The following PXDNL variants were observed in gnomAD, a reference collection of about 807,000 sequenced individuals.
PXDNL encodes the protein peroxidasin like.
Under a neutral mutation model 150.8 loss-of-function variants are expected in PXDNL, and 145 were observed. That is an observed-to-expected ratio of 0.96 (90% CI 0.84 to 1.10). The LOEUF is 1.10. PXDNL is among the 50% of genes least tolerant of loss of function. PXDNL has a pLI of 0.00. For synonymous variants in PXDNL, 757 were observed against 725.7 expected (o/e 1.04, Z -0.69); for missense variants, 2,087 against 1,873.9 (o/e 1.11, Z -2.10).
At chr8:51,326,872 T>A (rs908471884) in intron 21 of PXDNL, among the ~76,000 whole-genome samples, 1 of 152,122 alleles carries the variant, frequency 6.6e-6, no homozygotes, top group African/African-American at 2.4e-5. Flanking sequence ...AATAGGAGTA[T>A]TGCAGATGTA....
At chr8:51,381,309 G>A (rs893090028) in intron 17 of PXDNL, among the ~76,000 whole-genome samples, 1 of 152,122 alleles carries the variant, frequency 6.6e-6, no homozygotes, top group African/African-American at 2.4e-5. Context: ...AGAGTCTTTT[G>A]CCAAAGCATT....
chr8:51,737,743 A>G (rs1040892834), intron 1 of PXDNL, among the ~76,000 whole-genome samples: 1 of 101,198 alleles, frequency 9.9e-6, no homozygotes, highest in Non-Finnish European at 2.0e-5. Flanking sequence ...CTTTCTGCAA[A>G]GTTCACTGTC....
intron 5 of PXDNL, among the ~76,000 whole-genome samples, chr8:51,496,680 A>G (rs1005531277): frequency 1.3e-5 from 2 of 152,210 alleles, no homozygotes; most frequent in African/African-American, 4.8e-5. Flanking sequence ...GTGAAATCCC[A>G]TTCACAATTG....
At chr8:51,644,355 C>CATGTATATATAT (rs1814861027) in intron 2 of PXDNL, among the ~76,000 whole-genome samples, 1 of 50,554 alleles carries the variant, frequency 2.0e-5, no homozygotes, top group Admixed American at 2.6e-4. Flanking sequence ...CACACACACA[C>CATGTATATATAT]ACACACACAT....
At chr8:51,585,862 C>A (rs757865193) in intron 3 of PXDNL, among the ~76,000 whole-genome samples, 1 of 151,606 alleles carries the variant, frequency 6.6e-6, no homozygotes, top group Non-Finnish European at 1.5e-5. Context: ...TGCCACCCAC[C>A]CCTTGTGGCT....
Position 51,449,010 on chromosome 8 carries a change from GT to G in PXDNL, c.1357del (p.Thr453GlnfsTer21), listed in dbSNP as rs1452013737. 11 of 1,530,960 alleles carry G rather than the reference GT, an allele frequency of 7.2e-6. No individual in the cohort carries two copies. The highest frequency in any genetic ancestry group is 9.7e-6 in the Non-Finnish European group (11 of 1,128,288). 94.8% of individuals were successfully genotyped at this position (1,530,960 alleles called of 1,614,324 possible). A position where few individuals can be genotyped will look rare whatever the true frequency, so the allele number is the denominator to read the frequency against. On this transcript the variant is annotated frameshift_variant, in exon 11 of 23. Transcript: ENST00000356297. LOFTEE classifies it high-confidence loss of function. ...DGNPPPVIVWTKTGGQLPVEG... is the reference protein window; with the variant it reads ...DGNPPPVIVWXKTGGQLPVEG... The stretch of plus-strand genomic sequence containing the variant: ...TGCAGATGTTCTAATACCTGTTTTT[GT>G]CCAGACAATAACAGGAGGTGGGTTG...
intron 4 of PXDNL, among the ~76,000 whole-genome samples, chr8:51,553,522 A>T (rs1185774253): frequency 6.6e-6 from 1 of 152,072 alleles, no homozygotes; most frequent in African/African-American, 2.4e-5. Flanking sequence ...CTTTTTAAAG[A>T]TGTTCTTCAT....
chr8:51,787,805 T>C (rs1041976848), intron 1 of PXDNL, among the ~76,000 whole-genome samples: 3 of 152,226 alleles, frequency 2.0e-5, no homozygotes, highest in Non-Finnish European at 4.4e-5. Flanking sequence ...TAAAATGCTA[T>C]CAGACAGCCT....
chr8:51,440,295 G>C (rs1477065984), intron 12 of PXDNL, among the ~76,000 whole-genome samples: 1 of 152,064 alleles, frequency 6.6e-6, no homozygotes, highest in South Asian at 2.1e-4. Flanking sequence ...TGGGAGGGTG[G>C]TGAGGGATGA....
chr8:51,391,952 C>T (rs1807923815), intron 17 of PXDNL, among the ~76,000 whole-genome samples: 1 of 152,238 alleles, frequency 6.6e-6, no homozygotes, highest in South Asian at 2.1e-4. Flanking sequence ...CAGCTTTCTA[C>T]ATATGACTAG....
rs904420503 is a variant in PXDNL at position 51,524,141 on chromosome 8, G to T, written c.381-24371C>A. Reference sequence around the variant, plus strand: ...ATGGCACCCAAGGGATTATGATGGAGTCATACCTGATATATGACCTAGTTT... The same window carrying T: ...ATGGCACCCAAGGGATTATGATGGATTCATACCTGATATATGACCTAGTTT... On this transcript the variant is annotated intron_variant, in intron 4 of 22. Transcript: ENST00000356297. Among the ~76,000 whole-genome samples the T allele has an allele frequency of 1.1e-3, 5 of 4,434 alleles. No homozygotes were observed. In the Admixed American group the frequency reaches 0.025, roughly 22 times the overall value. The allele number at this position is 4,434 out of a possible 152,430, so 2.9% of individuals were successfully genotyped here.
intron 1 of PXDNL, among the ~76,000 whole-genome samples, chr8:51,695,706 C>T (rs1816106781): frequency 6.6e-6 from 1 of 152,152 alleles, no homozygotes; most frequent in Non-Finnish European, 1.5e-5. Context: ...TTAAATGATT[C>T]AACTTGTTCG....
At chr8:51,643,127 T>G (rs1251774714) in intron 2 of PXDNL, among the ~76,000 whole-genome samples, 1 of 152,106 alleles carries the variant, frequency 6.6e-6, no homozygotes, top group Admixed American at 6.5e-5. Flanking sequence ...CCAAGGTAAT[T>G]TATAGATACA....
chr8:51,450,917 C>T (rs1809793922), intron 10 of PXDNL, among the ~76,000 whole-genome samples: 1 of 152,062 alleles, frequency 6.6e-6, no homozygotes, highest in Non-Finnish European at 1.5e-5. Flanking sequence ...CTTTCCAGAA[C>T]ATTACACTAA....
At chr8:51,770,574 C>T (rs1368957408) in intron 1 of PXDNL, among the ~76,000 whole-genome samples, 3 of 152,186 alleles carry the variant, frequency 2.0e-5, no homozygotes, top group Non-Finnish European at 2.9e-5. Flanking sequence ...CTTTCCATGT[C>T]TCCTGCTGTC....
chr8:51,408,283 G>A lies in PXDNL; in HGVS notation c.3341C>T (p.Pro1114Leu), dbSNP rs1808494668. The A allele has an allele frequency of 6.2e-7, 1 of 1,613,822 alleles. No individual in the cohort carries two copies. The highest frequency in any genetic ancestry group is 1.1e-5 in the South Asian group (1 of 91,088). Residue 1114 changes from proline (P) to leucine (L), a missense_variant, in exon 17 of 23, where the codon CCC becomes CTC. Coordinates refer to ENST00000356297, the MANE Select transcript of PXDNL (RefSeq NM_144651.5). ...CAGCTCAGGACTGAGAAGGTAGGAG[G>A]GTGCCCGCCATTTAGCAGCCACGCC... ...LFGVAAKWRA[P>L]SYLLSPELTQ...
Position 51,409,343 on chromosome 8 carries a change from T to A in PXDNL, c.2281A>T (p.Ile761Phe), listed in dbSNP as rs761611107. 1.1e-5 allele frequency: 16 copies of A among 1,501,194 alleles called. No individual in the cohort carries two copies. The highest frequency in any genetic ancestry group is 1.3e-5 in the Non-Finnish European group (15 of 1,131,570). The allele number at this position is 1,501,194 out of a possible 1,614,324, so 93.0% of individuals were successfully genotyped here. A position where few individuals can be genotyped will look rare whatever the true frequency, so the allele number is the denominator to read the frequency against. The change falls in exon 17 of 23, where the codon ATC becomes TTC. Residue 761 changes from isoleucine (I) to phenylalanine (F), a missense_variant. By Grantham distance (21) the Ile-to-Phe change is conservative. Coordinates refer to ENST00000356297, the MANE Select transcript of PXDNL (RefSeq NM_144651.5). ...AGGCCGAGCCCGCGGGGCGCGCGGATGCCGTCCCGGTAGGCTGGCTGCAGC... is the reference window on the plus strand; with the variant it reads ...AGGCCGAGCCCGCGGGGCGCGCGGAAGCCGTCCCGGTAGGCTGGCTGCAGC... ...RLLQPAYRDG[I>F]RAPRGLGLPV...
intron 14 of PXDNL, among the ~76,000 whole-genome samples, chr8:51,413,522 T>C (rs775800252): frequency 2.0e-5 from 3 of 152,164 alleles, no homozygotes; most frequent in Non-Finnish European, 4.4e-5. Context: ...GTAAAATATT[T>C]CCTTTTGAAC....
chr8:51,591,325 T>G (rs1813437909), intron 3 of PXDNL, among the ~76,000 whole-genome samples: 1 of 152,178 alleles, frequency 6.6e-6, no homozygotes, highest in African/African-American at 2.4e-5. Flanking sequence ...GGCGAGCAGA[T>G]GGAATTGACT....
Sources: gnomAD v4.1 joint callset for allele counts (sites outside exome capture counted in the v4.1 genomes callset) on GRCh38, gnomAD v4.1.1 for gene constraint, MANE v1.5 for transcripts, NCBI Gene and HGNC (gene_info 2026-07-23, HGNC 2026-07-21) for gene names.